The following PRKAA2 variants were observed in gnomAD, a reference collection of about 807,000 sequenced individuals.
The protein encoded by PRKAA2 is 5'-AMP-activated protein kinase catalytic subunit alpha-2.
A neutral mutation model predicts 56.3 loss-of-function variants in PRKAA2; 40 were observed. That is an observed-to-expected ratio of 0.71 (90% CI 0.55 to 0.92). PRKAA2 has a LOEUF of 0.92. PRKAA2 is among the 40% of genes least tolerant of loss of function. The probability of loss-of-function intolerance (pLI) is 0.00; values close to 1 mark genes in which losing one functional copy is unlikely to be tolerated. For synonymous variants in PRKAA2, 214 were observed against 234.2 expected, an observed-to-expected ratio of 0.91 and a Z score of 0.79; for missense variants, 542 against 686.9, an observed-to-expected ratio of 0.79 and a Z score of 2.36.
At chr1:56,696,266 A>G (rs1056608517) in intron 6 of PRKAA2, 107 bp downstream of exon 6, 4 of 975,778 alleles carry the variant, frequency 4.1e-6, no homozygotes, top group Admixed American at 4.7e-5. Context: ...ACCTCACCCC[A>G]GTACTCATGC....
chr1:56,696,090 C>G lies in PRKAA2; in HGVS notation c.719C>G (p.Ser240Cys), dbSNP rs1448347506. 8 of 1,613,516 alleles carry G rather than the reference C, an allele frequency of 5.0e-6. No homozygotes were observed. In the East Asian group the frequency reaches 1.8e-4, roughly 36 times the overall value. Residue 240 changes from serine (S) to cysteine (C), a missense_variant, in exon 6 of 9, where the codon TCT becomes TGT. By Grantham distance (112) the Ser-to-Cys change is moderately radical. Around this residue, in one of 5 missense-constraint regions of PRKAA2, gnomAD observed 198 missense variants for 234.0 expected, o/e 0.85. Transcript: ENST00000371244. ...VFYIPEYLNR[S>C]VATLLMHMLQ... ...TATATCCCAGAATATCTCAATCGTT[C>G]TGTCGCCACTCTCCTGATGCATATG...
intron 2 of PRKAA2, among the ~76,000 whole-genome samples, chr1:56,682,484 G>A (rs1644161863): frequency 6.6e-6 from 1 of 152,190 alleles, no homozygotes; most frequent in South Asian, 2.1e-4. Context: ...AACTTCAAGT[G>A]TTGTAGGCAA....
intron 2 of PRKAA2, among the ~76,000 whole-genome samples, chr1:56,688,676 A>G (rs368956285): frequency 1.4e-4 from 22 of 152,370 alleles, no homozygotes; most frequent in African/African-American, 2.4e-4. Flanking sequence ...TTGTGACTCA[A>G]AGGTGAGACC....
chr1:56,666,581 T>C (rs1202051491), intron 1 of PRKAA2, among the ~76,000 whole-genome samples: 1 of 152,228 alleles, frequency 6.6e-6, no homozygotes, highest in Non-Finnish European at 1.5e-5. Context: ...TTCCATTGAA[T>C]ACAGTTCAAC....
At chr1:56,652,711 T>C (rs892701776) in intron 1 of PRKAA2, among the ~76,000 whole-genome samples, 3 of 152,346 alleles carry the variant, frequency 2.0e-5, no homozygotes, top group Admixed American at 6.5e-5. Context: ...GTATATAAAA[T>C]GGCTTTGGAA....
chr1:56,688,320 C>T (rs1440025169), intron 2 of PRKAA2, among the ~76,000 whole-genome samples: 1 of 152,178 alleles, frequency 6.6e-6, no homozygotes, highest in African/African-American at 2.4e-5. Flanking sequence ...TGGCTCTAAG[C>T]ACTCACGTTA....
rs1415289564 is a variant in PRKAA2 at position 56,714,720 on chromosome 1, ATCTT to A, written c.*7009_*7012del. The A allele has an allele frequency of 6.6e-6, 1 of 152,146 alleles. No individual in the cohort carries two copies. The highest frequency in any genetic ancestry group is 2.4e-5 in the African/African-American group (1 of 41,452). 9.4% of individuals were successfully genotyped at this position (152,146 alleles called of 1,614,324 possible). A position where few individuals can be genotyped will look rare whatever the true frequency, so the allele number is the denominator to read the frequency against. On this transcript the variant is annotated 3_prime_UTR_variant, in exon 9 of 9. Coordinates refer to ENST00000371244, the MANE Select transcript of PRKAA2 (RefSeq NM_006252.4). Reference sequence around the variant, plus strand: ...TAGAACTGTGAACTCTAAGGATAGTATCTTTATTGTTTTAGGAAGAATGGTTGTG... The same window carrying A: ...TAGAACTGTGAACTCTAAGGATAGTATATTGTTTTAGGAAGAATGGTTGTG...
chr1:56,654,970 G>A (rs1322892564), intron 1 of PRKAA2, among the ~76,000 whole-genome samples: 1 of 151,588 alleles, frequency 6.6e-6, no homozygotes, highest in African/African-American at 2.4e-5. Context: ...TACTCTGAAT[G>A]TTAGTATGTT....
intron 5 of PRKAA2, among the ~76,000 whole-genome samples, chr1:56,694,419 C>T (rs1397158332): frequency 1.3e-5 from 2 of 152,048 alleles, no homozygotes; most frequent in Admixed American, 1.3e-4. Context: ...TTAACAGAAT[C>T]CTATAAGAGA....
chr1:56,649,003 G>A (rs2100375264), intron 1 of PRKAA2, among the ~76,000 whole-genome samples: 1 of 152,198 alleles, frequency 6.6e-6, no homozygotes, highest in Middle Eastern at 3.4e-3. Context: ...CCAGTCTGTT[G>A]TGTCTTTTCA....
chr1:56,652,534 A>G (rs183321482), intron 1 of PRKAA2, among the ~76,000 whole-genome samples: 5 of 152,360 alleles, frequency 3.3e-5, no homozygotes, highest in African/African-American at 1.2e-4. Flanking sequence ...AAACATTGGT[A>G]TAAGAAGGTA....
chr1:56,698,328 T>G (rs892505094), intron 6 of PRKAA2, among the ~76,000 whole-genome samples: 6 of 152,232 alleles, frequency 3.9e-5, no homozygotes, highest in African/African-American at 1.4e-4. Context: ...TAACTTATGT[T>G]ATTGCATTGA....
At chr1:56,693,738 C>T in intron 4 of PRKAA2, 27 bp from the exon 5 acceptor site, 2 of 1,460,508 alleles carry the variant, frequency 1.4e-6, no homozygotes, top group East Asian at 2.3e-5. Flanking sequence ...ATATCTAGCA[C>T]CAAGTAAACA....
Position 56,714,907 on chromosome 1 carries a change from G to T in PRKAA2, c.*7194G>T, listed in dbSNP as rs1569815397. ...ATTCATTCATTCTTAGCATACCTTT[G>T]AAAAAGAAAAAAAAATCCATAGGTT... is the stretch of plus-strand genomic sequence containing the variant. On this transcript the variant is annotated 3_prime_UTR_variant, in exon 9 of 9. Transcript: ENST00000371244. 6.7e-6 allele frequency: 1 copy of T among 150,356 alleles called. No individual in the cohort carries two copies. Among genetic ancestry groups the T allele is most frequent in the African/African-American group, 2.4e-5 (1 of 40,956 alleles). The allele number at this position is 150,356 out of a possible 1,614,324, so 9.3% of individuals were successfully genotyped here. A position where few individuals can be genotyped will look rare whatever the true frequency, so the allele number is the denominator to read the frequency against.
intron 6 of PRKAA2, among the ~76,000 whole-genome samples, chr1:56,701,019 C>T (rs1644290070): frequency 6.6e-6 from 1 of 152,052 alleles, no homozygotes; most frequent in Non-Finnish European, 1.5e-5. Flanking sequence ...TGTTGCAAGC[C>T]TTTGGTTAAT....
intron 6 of PRKAA2, among the ~76,000 whole-genome samples, chr1:56,697,248 T>C (rs776152548): frequency 2.0e-5 from 3 of 151,964 alleles, no homozygotes; most frequent in Non-Finnish European, 4.4e-5. Context: ...GGTCTTGAAC[T>C]TCTGGGCTCA....
At chr1:56,693,092 A>C (rs1213502040) in intron 4 of PRKAA2, among the ~76,000 whole-genome samples, 6 of 152,200 alleles carry the variant, frequency 3.9e-5, no homozygotes, top group African/African-American at 1.4e-4. Context: ...TTTGAGAAAA[A>C]GACTAGGAAG....
intron 6 of PRKAA2, among the ~76,000 whole-genome samples, chr1:56,703,129 G>A (rs1012810331): frequency 1.3e-5 from 2 of 152,104 alleles, no homozygotes; most frequent in Non-Finnish European, 2.9e-5. Flanking sequence ...GTAACATCAA[G>A]CACAAAGGCC....
At chr1:56,702,895 G>T (rs978821126) in intron 6 of PRKAA2, among the ~76,000 whole-genome samples, 4 of 152,112 alleles carry the variant, frequency 2.6e-5, no homozygotes, top group Non-Finnish European at 5.9e-5. Context: ...TAATCTCTGT[G>T]CAGCTAAAAT....
Sources: allele counts gnomAD v4.1 joint callset (sites outside exome capture counted in the v4.1 genomes callset), GRCh38; gene constraint gnomAD v4.1.1; regional missense constraint gnomAD v4.1.1; transcripts MANE v1.5; gene names NCBI Gene and HGNC (gene_info 2026-07-23, HGNC 2026-07-21).